Variants in ANKFN1 observed in about 807,000 individuals in gnomAD.
The protein encoded by ANKFN1 is ankyrin repeat and fibronectin type-III domain-containing protein 1.
In ANKFN1, 74 loss-of-function variants were observed where a neutral mutation model predicts 108.7. The ratio of observed to expected loss-of-function variants is 0.68; its 90% CI spans 0.56 to 0.83. The LOEUF (loss-of-function observed/expected upper bound fraction) is 0.83, where lower values mean the gene tolerates loss of function less well. ANKFN1 is among the 40% of genes least tolerant of loss of function. The pLI, the probability that ANKFN1 is intolerant of heterozygous loss-of-function variation, is 0.00. For missense variants in ANKFN1, 1,505 were observed against 1,382.3 expected, an observed-to-expected ratio of 1.09 and a Z score of -1.41; for synonymous variants, 547 against 516.2, an observed-to-expected ratio of 1.06 and a Z score of -0.81.
intron 1 of ANKFN1, among the ~76,000 whole-genome samples, chr17:56,196,221 GC>G (rs1475763798): frequency 2.0e-5 from 3 of 152,154 alleles, no homozygotes; most frequent in Non-Finnish European, 4.4e-5. Context: ...GCACCACTGT[GC>G]TCCAGCTTAG....
At chr17:56,467,596 G>A (rs905673915) in intron 15 of ANKFN1, among the ~76,000 whole-genome samples, 1 of 150,294 alleles carries the variant, frequency 6.7e-6, no homozygotes, top group African/African-American at 2.5e-5. Context: ...AGAATTGCTT[G>A]AACCAGGGAG....
At chr17:56,473,794 C>T (rs954352755) in intron 15 of ANKFN1, 2 of 151,634 alleles carry the variant, frequency 1.3e-5, no homozygotes, top group East Asian at 3.9e-4. Flanking sequence ...CAAGAAAACA[C>T]AGAGTAGATG....
Position 56,511,198 on chromosome 17 carries a change from A to G in ANKFN1, c.3370A>G (p.Thr1124Ala). 6.5e-7 allele frequency: 1 copy of G among 1,535,652 alleles called. No individual in the cohort carries two copies. Among genetic ancestry groups the G allele is most frequent in the Non-Finnish European group, 8.7e-7 (1 of 1,146,722 alleles). Reference sequence around the variant, plus strand: ...AGGCCGCATCACCCTGCCCAGCCCCACTGGCCCCGATGTGAGTCAGGAGGG... The same window carrying G: ...AGGCCGCATCACCCTGCCCAGCCCCGCTGGCCCCGATGTGAGTCAGGAGGG... ...SGGRITLPSP[T>A]GPDVSQEGPT... is the part of the protein sequence containing the mutation. The change falls in exon 21 of 21, where the codon ACT becomes GCT. Residue 1124 changes from threonine (T) to alanine (A), a missense_variant. Transcript: ENST00000682825.
intron 3 of ANKFN1, among the ~76,000 whole-genome samples, chr17:56,231,257 A>G (rs1263974856): frequency 6.6e-6 from 1 of 151,994 alleles, no homozygotes; most frequent in Admixed American, 6.6e-5. Flanking sequence ...CTAAGTATCC[A>G]TTTGCCAATT....
intron 2 of ANKFN1, among the ~76,000 whole-genome samples, chr17:56,218,429 G>T (rs932846619): frequency 1.3e-5 from 2 of 151,956 alleles, no homozygotes; most frequent in African/African-American, 4.8e-5. Flanking sequence ...CCCTTTACCT[G>T]GCTGAGATGA....
At chr17:56,114,938 A>C (rs1906173955) in intron 4 of ANKFN1, among the ~76,000 whole-genome samples, 1 of 152,210 alleles carries the variant, frequency 6.6e-6, no homozygotes, top group African/African-American at 2.4e-5. Context: ...GCCAAAGAGT[A>C]TGCACAGCCC....
intron 1 of ANKFN1, among the ~76,000 whole-genome samples, chr17:56,204,921 A>G (rs1914399711): frequency 6.6e-6 from 1 of 151,944 alleles, no homozygotes; most frequent in Admixed American, 6.6e-5. Context: ...TAAAAACACA[A>G]AATAATTAGC....
chr17:56,065,625 G>A (rs1905047855), intron 4 of ANKFN1, among the ~76,000 whole-genome samples: 1 of 152,142 alleles, frequency 6.6e-6, no homozygotes, highest in Non-Finnish European at 1.5e-5. Flanking sequence ...ATATTGTTGT[G>A]TCTCAGGGAA....
chr17:56,143,694 T>C (rs1287068764), intron 4 of ANKFN1, among the ~76,000 whole-genome samples: 5 of 152,224 alleles, frequency 3.3e-5, no homozygotes, highest in Non-Finnish European at 5.9e-5. Flanking sequence ...GGGTTTAGCA[T>C]GGGCTATAAA....
At chr17:56,137,009 A>G (rs76065561) in intron 4 of ANKFN1, among the ~76,000 whole-genome samples, 1,662 of 152,290 alleles carry the variant, frequency 0.011, 26 homozygotes, top group African/African-American at 0.037. Context: ...CAAAGGAAAT[A>G]AGACCATTTA....
At chr17:56,473,958 C>T (rs918602458) in intron 15 of ANKFN1, among the ~76,000 whole-genome samples, 1 of 152,094 alleles carries the variant, frequency 6.6e-6, no homozygotes, top group Non-Finnish European at 1.5e-5. Flanking sequence ...TCTTACCTAT[C>T]CTATATTTGT....
Position 56,384,241 on chromosome 17 carries a change from C to A in ANKFN1, c.910+9527C>A, listed in dbSNP as rs546618924. 2.6e-5 allele frequency among the ~76,000 whole-genome samples: 4 copies of A among 152,306 alleles called. No individual in the cohort carries two copies. The East Asian group carries it at 5.8e-4, about 22-fold the overall frequency. ...AAAGACGAAAACCACGTGATTATCT[C>A]AATAGATGCAGAACAGGCCTTTGAT... is the stretch of plus-strand genomic sequence containing the variant. On this transcript the variant is annotated intron_variant, in intron 8 of 20. Coordinates refer to ENST00000682825, the MANE Select transcript of ANKFN1 (RefSeq NM_001370326.1).
At chr17:56,481,581 C>T (rs1261727187) in intron 17 of ANKFN1, among the ~76,000 whole-genome samples, 1 of 152,074 alleles carries the variant, frequency 6.6e-6, no homozygotes, top group Non-Finnish European at 1.5e-5. Context: ...GCGACTGGCT[C>T]TCTTTAAATA....
intron 4 of ANKFN1, among the ~76,000 whole-genome samples, chr17:56,330,885 C>T (rs1473972715): frequency 6.6e-6 from 1 of 152,090 alleles, no homozygotes; most frequent in Non-Finnish European, 1.5e-5. Context: ...GTTCCTCTTG[C>T]CAAGGAGTTA....
intron 4 of ANKFN1, among the ~76,000 whole-genome samples, chr17:56,334,020 A>G (rs112101928): frequency 4.0e-3 from 611 of 152,176 alleles, no homozygotes; most frequent in African/African-American, 0.013. Context: ...AGCAAACCCC[A>G]TGGGATTTAA....
intron 8 of ANKFN1, among the ~76,000 whole-genome samples, chr17:56,393,292 C>G (rs2047491394): frequency 6.6e-6 from 1 of 152,180 alleles, no homozygotes; most frequent in Non-Finnish European, 1.5e-5. Flanking sequence ...CATGTTCTTT[C>G]CTTCCTCCAA....
chr17:56,223,172 G>A (rs1916005327), intron 2 of ANKFN1, among the ~76,000 whole-genome samples: 1 of 152,126 alleles, frequency 6.6e-6, no homozygotes, highest in African/African-American at 2.4e-5. Flanking sequence ...ATGGATAAAA[G>A]TTTATATGCT....
chr17:56,094,660 C>CCCA (rs1905491534), intron 4 of ANKFN1, among the ~76,000 whole-genome samples: 3 of 139,642 alleles, frequency 2.1e-5, no homozygotes, highest in African/African-American at 5.2e-5. Flanking sequence ...CACACCACCA[C>CCCA]GCCCAGCTAA....
intron 3 of ANKFN1, among the ~76,000 whole-genome samples, chr17:56,311,318 T>C (rs901140014): frequency 8.5e-5 from 13 of 152,306 alleles, no homozygotes; most frequent in Admixed American, 7.8e-4. Context: ...ATGCTTCTAA[T>C]GCTACTTCCC....
Sources: gnomAD v4.1 joint callset for allele counts (sites outside exome capture counted in the v4.1 genomes callset) on GRCh38, gnomAD v4.1.1 for gene constraint, MANE v1.5 for transcripts, NCBI Gene and HGNC (gene_info 2026-07-23, HGNC 2026-07-21) for gene names.